Variants in LINGO2 observed in about 807,000 individuals in gnomAD.
LINGO2 encodes leucine rich repeat and Ig domain containing 2.
LINGO2 carries 14 observed loss-of-function variants against 30.6 expected under a neutral mutation model. The observed-to-expected ratio is 0.46, with a 90% CI of 0.30 to 0.72. The LOEUF (loss-of-function observed/expected upper bound fraction) is 0.72, where lower values mean the gene tolerates loss of function less well. LINGO2 is among the 30% of genes least tolerant of loss of function. LINGO2 has a pLI of 0.07. For missense variants in LINGO2, 729 were observed against 751.7 expected (o/e 0.97, Z 0.35); for synonymous variants, 317 against 288.5 (o/e 1.10, Z -1.00).
chr9:29,169,658 G>C, the LINGO2 span, among the ~76,000 whole-genome samples: 1 of 152,136 alleles, frequency 6.6e-6, no homozygotes, highest in African/African-American at 2.4e-5. Context: ...GTGGAGAAAA[G>C]AGAATATTTA....
chr9:29,187,567 T>G, the LINGO2 span, among the ~76,000 whole-genome samples: 1 of 152,198 alleles, frequency 6.6e-6, no homozygotes, highest in African/African-American at 2.4e-5. Context: ...CTTTAGCCTT[T>G]TCCAACACTA....
intron 4 of LINGO2, among the ~76,000 whole-genome samples, chr9:28,027,974 G>A (rs970732436): frequency 1.3e-5 from 2 of 152,248 alleles, no homozygotes; most frequent in African/African-American, 4.8e-5. Context: ...CAAACTTAAA[G>A]AACATAAAAT....
intron 1 of LINGO2, among the ~76,000 whole-genome samples, chr9:28,508,988 A>G (rs1293000759): frequency 6.6e-6 from 1 of 152,112 alleles, no homozygotes; most frequent in African/African-American, 2.4e-5. Context: ...ACCACATGCT[A>G]CATACTAATC....
chr9:28,249,434 T>C (rs1436417600), intron 4 of LINGO2, among the ~76,000 whole-genome samples: 3 of 152,158 alleles, frequency 2.0e-5, no homozygotes, highest in Non-Finnish European at 4.4e-5. Context: ...AATGTGCTTA[T>C]GGTAAGTGAT....
chr9:28,134,218 C>T (rs1827452029), intron 4 of LINGO2, among the ~76,000 whole-genome samples: 1 of 152,068 alleles, frequency 6.6e-6, no homozygotes, highest in African/African-American at 2.4e-5. Flanking sequence ...TGTCCCCAAA[C>T]AACCCATTTT....
At chr9:28,892,920 T>G in the LINGO2 span, among the ~76,000 whole-genome samples, 1 of 152,048 alleles carries the variant, frequency 6.6e-6, no homozygotes, top group African/African-American at 2.4e-5. Flanking sequence ...CCACTTCATT[T>G]TCAAAGAATT....
At chr9:28,139,652 A>G (rs1197574924) in intron 4 of LINGO2, among the ~76,000 whole-genome samples, 2 of 152,232 alleles carry the variant, frequency 1.3e-5, no homozygotes, top group African/African-American at 4.8e-5. Flanking sequence ...TAAAATATAA[A>G]GGAATTCTAC....
upstream of LINGO2, among the ~76,000 whole-genome samples, chr9:28,671,619 CTG>C (rs1470372284): frequency 6.7e-6 from 1 of 149,842 alleles, no homozygotes; most frequent in Non-Finnish European, 1.5e-5. Flanking sequence ...AAGAAAGAAA[CTG>C]GGGTCTATTT....
intron 2 of LINGO2, among the ~76,000 whole-genome samples, chr9:28,375,124 ACACACACACATACAC>A (rs1195669149): frequency 9.1e-6 from 1 of 110,260 alleles, no homozygotes; most frequent in Non-Finnish European, 2.0e-5. Context: ...ACACACACAC[ACACACACACATACAC>A]CCCACACTAA....
At chr9:28,879,723 A>C in the LINGO2 span, among the ~76,000 whole-genome samples, 1 of 152,272 alleles carries the variant, frequency 6.6e-6, no homozygotes, top group East Asian at 1.9e-4. Flanking sequence ...GTATGTGTAG[A>C]AATGGTTGAC....
chr9:28,465,525 T>C (rs116583440), intron 2 of LINGO2, among the ~76,000 whole-genome samples: 2,250 of 152,242 alleles, frequency 0.015, 55 homozygotes, highest in African/African-American at 0.051. Context: ...AAGTTCTCAC[T>C]TAGGGCCACA....
chr9:28,457,554 A>G (rs1428943773), intron 2 of LINGO2, among the ~76,000 whole-genome samples: 1 of 151,968 alleles, frequency 6.6e-6, no homozygotes, highest in Non-Finnish European at 1.5e-5. Context: ...GGCTGGGACT[A>G]CAGGTATGTG....
At chr9:28,607,739 C>A (rs1247276487) in intron 1 of LINGO2, among the ~76,000 whole-genome samples, 2 of 151,964 alleles carry the variant, frequency 1.3e-5, no homozygotes, top group Non-Finnish European at 2.9e-5. Flanking sequence ...GATTGAAATA[C>A]CCTTACTAAT....
At chr9:27,957,157 G>T (rs866888986) in intron 5 of LINGO2, among the ~76,000 whole-genome samples, 3 of 151,888 alleles carry the variant, frequency 2.0e-5, no homozygotes, top group Non-Finnish European at 1.5e-5. Context: ...ACATTACCTG[G>T]GGACCTTTAT....
the LINGO2 span, among the ~76,000 whole-genome samples, chr9:28,801,506 T>A: frequency 1.3e-5 from 2 of 152,190 alleles, no homozygotes; most frequent in South Asian, 2.1e-4. Context: ...ACCTCAAAAT[T>A]AAGGGTAGCT....
At chr9:28,048,808 A>G (rs1438717090) in intron 4 of LINGO2, among the ~76,000 whole-genome samples, 1 of 150,710 alleles carries the variant, frequency 6.6e-6, no homozygotes, top group Non-Finnish European at 1.5e-5. Flanking sequence ...TGTTAAAAGT[A>G]CCACAATCGA....
chr9:28,252,269 A>AGGCTGGAGTGCAGT (rs1822228386), intron 4 of LINGO2, among the ~76,000 whole-genome samples: 6 of 152,196 alleles, frequency 3.9e-5, no homozygotes, highest in Admixed American at 3.9e-4. Context: ...CTCTGTTTCT[A>AGGCTGGAGTGCAGT]GGCTGGAGTG....
intron 4 of LINGO2, among the ~76,000 whole-genome samples, chr9:28,110,860 A>C (rs1261987510): frequency 6.6e-6 from 1 of 152,206 alleles, no homozygotes; most frequent in African/African-American, 2.4e-5. Context: ...CAGAAATACC[A>C]TTTGACCTAG....
At chr9:28,335,173 AGGAG>A (rs1825550354) in intron 3 of LINGO2, among the ~76,000 whole-genome samples, 1 of 152,180 alleles carries the variant, frequency 6.6e-6, no homozygotes, top group Non-Finnish European at 1.5e-5. Flanking sequence ...GCTGAGGCTT[AGGAG>A]GGAGAGCTGG....
Sources: gnomAD v4.1 joint callset for allele counts (sites outside exome capture counted in the v4.1 genomes callset) on GRCh38, gnomAD v4.1.1 for gene constraint, MANE v1.5 for transcripts, NCBI Gene and HGNC (gene_info 2026-07-23, HGNC 2026-07-21) for gene names.